The following MSI2 variants were observed in gnomAD, a reference collection of about 807,000 sequenced individuals.
MSI2 encodes the protein RNA-binding protein Musashi homolog 2.
MSI2 carries 17 observed loss-of-function variants against 45.6 expected under a neutral mutation model. The observed-to-expected ratio is 0.37, with a 90% CI of 0.26 to 0.56. MSI2 has a LOEUF of 0.56. Among genes scored for constraint, MSI2 ranks in the 20% least tolerant of loss-of-function variants. MSI2 has a pLI of 0.77. For synonymous variants in MSI2, 156 were observed against 158.2 expected, an observed-to-expected ratio of 0.99 and a Z score of 0.11; for missense variants, 293 against 444.2, an observed-to-expected ratio of 0.66 and a Z score of 3.06.
intron 6 of MSI2, among the ~76,000 whole-genome samples, chr17:57,409,880 C>T (rs960594106): frequency 1.3e-5 from 2 of 151,782 alleles, no homozygotes; most frequent in Non-Finnish European, 2.9e-5. Flanking sequence ...TGGTGGTGGG[C>T]ACCTGTAATC....
chr17:57,648,169 G>GTGTGTGTGTGTGTT (rs1910841124), intron 10 of MSI2, among the ~76,000 whole-genome samples: 1 of 148,880 alleles, frequency 6.7e-6, no homozygotes, highest in Non-Finnish European at 1.5e-5. Flanking sequence ...GTGTGTGTGT[G>GTGTGTGTGTGTGTT]TGTGTGTGTG....
chr17:57,635,868 C>T (rs1909795423), intron 10 of MSI2, among the ~76,000 whole-genome samples: 1 of 152,250 alleles, frequency 6.6e-6, no homozygotes, highest in Non-Finnish European at 1.5e-5. Flanking sequence ...CTGTGATTAG[C>T]GATGTGGCCG....
At chr17:57,315,061 C>T (rs1912742099) in intron 5 of MSI2, among the ~76,000 whole-genome samples, 1 of 152,030 alleles carries the variant, frequency 6.6e-6, no homozygotes, top group South Asian at 2.1e-4. Flanking sequence ...TGAAAGCTCA[C>T]CAGGTAATTT....
chr17:57,675,164 T>C (rs1406759609), intron 12 of MSI2, 38 bp downstream of exon 12: 2 of 1,584,416 alleles, frequency 1.3e-6, no homozygotes, highest in Non-Finnish European at 1.7e-6. Context: ...TGCCTCCTCC[T>C]TCCTGACCAG....
intron 11 of MSI2, among the ~76,000 whole-genome samples, chr17:57,672,880 A>G (rs1912911791): frequency 6.6e-6 from 1 of 152,218 alleles, no homozygotes; most frequent in Admixed American, 6.5e-5. Flanking sequence ...GCCAAGTGTT[A>G]TCTGCAAGTT....
At chr17:57,541,909 G>T (rs575490394) in intron 7 of MSI2, among the ~76,000 whole-genome samples, 6 of 152,086 alleles carry the variant, frequency 3.9e-5, no homozygotes, top group Admixed American at 2.0e-4. Context: ...GTCCAGCGTT[G>T]GTGCCTGCGT....
intron 5 of MSI2, among the ~76,000 whole-genome samples, chr17:57,393,516 C>A (rs1053327874): frequency 2.6e-5 from 4 of 152,092 alleles, no homozygotes; most frequent in Admixed American, 2.6e-4. Context: ...TTTTGTTTAT[C>A]CATTCGTCTG....
rs117944084 is a variant in MSI2 at position 57,627,775 on chromosome 17, C to T, written c.727+472C>T. On this transcript the variant is annotated intron_variant, in intron 10 of 13. Transcript: ENST00000284073. The surrounding 1 kb of genome is among the most constrained non-coding windows in gnomAD (Gnocchi z 4.6). Reference sequence around the variant, plus strand: ...TGCTCCGTCCTGACTGCTGTGGCTTCGGCGTCCTTCTGGGCTGTGTTGATG... The same window carrying T: ...TGCTCCGTCCTGACTGCTGTGGCTTTGGCGTCCTTCTGGGCTGTGTTGATG... The T allele has an allele frequency of 0.012, 2,164 of 182,340 alleles. 18 individuals carry two copies. The highest frequency in any genetic ancestry group is 0.017 in the Non-Finnish European group (1,510 of 86,500). The allele number at this position is 182,340 out of a possible 1,614,324, so 11.3% of individuals were successfully genotyped here. A position where few individuals can be genotyped will look rare whatever the true frequency, so the allele number is the denominator to read the frequency against.
At chr17:57,567,656 C>A (rs141644217) in intron 7 of MSI2, among the ~76,000 whole-genome samples, 2 of 152,250 alleles carry the variant, frequency 1.3e-5, no homozygotes, top group Non-Finnish European at 2.9e-5. Context: ...ACCCCAAAGA[C>A]GGCAGAGTGG....
intron 9 of MSI2, among the ~76,000 whole-genome samples, chr17:57,622,601 G>A (rs73992104): frequency 2.0e-5 from 3 of 147,748 alleles, no homozygotes; most frequent in Non-Finnish European, 2.9e-5. Context: ...GAGAAGCCCC[G>A]CGTGAAGTCC....
At chr17:57,327,035 G>GTACC in intron 5 of MSI2, among the ~76,000 whole-genome samples, 1 of 152,314 alleles carries the variant, frequency 6.6e-6, no homozygotes, top group African/African-American at 2.4e-5. Flanking sequence ...AGTGCCAAAT[G>GTACC]GAGCTCGGTA....
At chr17:57,518,781 A>ACAAT (rs1406142462) in intron 6 of MSI2, among the ~76,000 whole-genome samples, 3 of 152,210 alleles carry the variant, frequency 2.0e-5, no homozygotes, top group African/African-American at 7.2e-5. Context: ...GCACGCACTC[A>ACAAT]CAATCAGTGC....
intron 12 of MSI2, 33 bp from the exon 13 acceptor site, chr17:57,676,954 A>G (rs777601166): frequency 1.0e-5 from 14 of 1,366,534 alleles, no homozygotes; most frequent in Non-Finnish European, 1.4e-5. Flanking sequence ...CATGTATAGC[A>G]CACTGATGAC....
At chr17:57,422,635 G>C (rs1383970395) in intron 6 of MSI2, among the ~76,000 whole-genome samples, 1 of 152,212 alleles carries the variant, frequency 6.6e-6, no homozygotes, top group Non-Finnish European at 1.5e-5. Context: ...CCAGACCCAT[G>C]CTCATTCTCC....
At chr17:57,697,143 G>GACACACACACACATACACACAC in the MSI2 span, among the ~76,000 whole-genome samples, 19,739 of 53,790 alleles carry the variant, frequency 0.37, 1,750 homozygotes, top group East Asian at 0.47. Context: ...TCGCCAGCAG[G>GACACACACACACATACACACAC]ACACACACAC....
chr17:57,644,275 C>T (rs2144661644), intron 10 of MSI2, among the ~76,000 whole-genome samples: 1 of 136,420 alleles, frequency 7.3e-6, no homozygotes, highest in African/African-American at 2.8e-5. Context: ...ATGTGACAGT[C>T]TGATCATGTA....
At chr17:57,313,653 C>A (rs1912598050) in intron 5 of MSI2, among the ~76,000 whole-genome samples, 1 of 152,228 alleles carries the variant, frequency 6.6e-6, no homozygotes, top group South Asian at 2.1e-4. Flanking sequence ...CTGGCACAGG[C>A]AGGGGAACTT....
chr17:57,385,047 C>G (rs1463773213), intron 5 of MSI2, among the ~76,000 whole-genome samples: 1 of 152,152 alleles, frequency 6.6e-6, no homozygotes, highest in Non-Finnish European at 1.5e-5. Context: ...AATCTTTTCC[C>G]TCTTTGTTAT....
rs756537157 is a variant in MSI2, at chr17:57,529,711, C to T, written c.441C>T (p.Thr147=). 3.7e-6 allele frequency: 6 copies of T among 1,613,004 alleles called. No individual in the cohort carries two copies. In the Admixed American group the frequency reaches 1.0e-4, roughly 27 times the overall value. The change falls in exon 7 of 14, where the codon ACC becomes ACT. Residue 147 remains threonine, a synonymous_variant. Transcript: ENST00000284073. The surrounding 1 kb of genome is among the most constrained non-coding windows in gnomAD (Gnocchi z 5.3). ...CAATGCTGATGTTTGATAAAACTAC[C>T]AACAGGCACAGAGGTAAGATTACCC... The part of the protein sequence containing the change: ...EDAMLMFDKT[T]NRHRGFGFVT...
Sources: allele counts gnomAD v4.1 joint callset (sites outside exome capture counted in the v4.1 genomes callset), GRCh38; gene constraint gnomAD v4.1.1; non-coding constraint Gnocchi (gnomAD v3.1); transcripts MANE v1.5; gene names NCBI Gene and HGNC (gene_info 2026-07-23, HGNC 2026-07-21).